The following DHRS4L2 variants were observed in gnomAD, a reference collection of about 807,000 sequenced individuals.
DHRS4L2 encodes the protein dehydrogenase/reductase SDR family member 4-like 2.
Under a neutral mutation model 23.9 loss-of-function variants are expected in DHRS4L2, and 22 were observed. The ratio of observed to expected loss-of-function variants is 0.92; its 90% CI spans 0.66 to 1.31. DHRS4L2 has a LOEUF of 1.31. Among genes scored for constraint, DHRS4L2 ranks in the 40% most tolerant of loss-of-function variants. DHRS4L2 has a pLI of 0.00. For missense variants in DHRS4L2, 385 were observed against 303.3 expected, an observed-to-expected ratio of 1.27 and a Z score of -2.00; for synonymous variants, 141 against 123.7, an observed-to-expected ratio of 1.14 and a Z score of -0.93.
Position 23,995,273 on chromosome 14 carries a change from T to A in DHRS4L2, c.408+140T>A. The A allele has an allele frequency of 3.0e-6, 3 of 992,360 alleles. No individual in the cohort carries two copies. The Admixed American group carries it at 5.6e-5, about 18-fold the overall frequency. The allele number at this position is 992,360 out of a possible 1,614,324, so 61.5% of individuals were successfully genotyped here. ...ACGTGCCACACACCTGGAGCACACC[T>A]TGCAAAGGGCAGGTGGGGGTGGCTC... On this transcript the variant is annotated intron_variant, in intron 3 of 7. Transcript: ENST00000335125.
Position 24,005,795 on chromosome 14 carries a change from T to C in DHRS4L2, c.*23-91T>C. 9 of 1,557,060 alleles carry C rather than the reference T, an allele frequency of 5.8e-6. 1 individual carries two copies. The South Asian group carries it at 9.5e-5, about 16-fold the overall frequency. On this transcript the variant is annotated intron_variant, in intron 7 of 7. Transcript: ENST00000335125. Reference sequence around the variant, plus strand: ...ATCCTGAAAAGTCATCTGATAATTCTTGATTAAGCAAATTTAACTCCCCGT... The same window carrying C: ...ATCCTGAAAAGTCATCTGATAATTCCTGATTAAGCAAATTTAACTCCCCGT...
At position 24,005,876 on chromosome 14, in the gene DHRS4L2, T is replaced by C; in HGVS notation, c.*23-10T>C. On this transcript the variant is annotated splice_polypyrimidine_tract_variant and intron_variant, in intron 7 of 7. Transcript: ENST00000335125. ...TTTTTACCTCCTTCCTTGCTTCCCT[T>C]ATTCCCCAGGTTAGGCGAGCCAGAG... 1.2e-6 allele frequency: 2 copies of C among 1,610,054 alleles called. No individual in the cohort carries two copies. Among genetic ancestry groups the C allele is most frequent in the Non-Finnish European group, 1.7e-6 (2 of 1,178,284 alleles).
At position 23,990,226 on chromosome 14, in the gene DHRS4L2, A is replaced by T. The variant is rs745882324; in HGVS notation, c.173A>T (p.His58Leu). Residue 58 changes from histidine to leucine, a missense_variant, in exon 2 of 8, where the codon CAC (histidine) becomes CTC (leucine). Transcript: ENST00000335125. ...CGGCGTTTGGCCCAGGACAGGGCCC[A>T]CGTGGTCGTCAGCAGCCGGAAGCAG... ...IARRLAQDRAHVVVSSRKQQN... is the reference protein window; with the variant it reads ...IARRLAQDRALVVVSSRKQQN... 8.7e-6 allele frequency: 14 copies of T among 1,612,748 alleles called. No homozygotes were observed. Among genetic ancestry groups the T allele is most frequent in the Admixed American group, 8.3e-5 (5 of 59,978 alleles).
At chr14:23,972,227 TG>T (rs1220442611) in intron 1 of DHRS4L2, among the ~76,000 whole-genome samples, 1 of 151,818 alleles carries the variant, frequency 6.6e-6, no homozygotes, top group African/African-American at 2.4e-5. Flanking sequence ...GTCTGGAGTT[TG>T]TTCCTTCTGA....
chr14:23,993,930 T>C (rs997212601), intron 2 of DHRS4L2, among the ~76,000 whole-genome samples: 7 of 151,676 alleles, frequency 4.6e-5, no homozygotes, highest in Admixed American at 2.6e-4. Context: ...CTTCTTCCAC[T>C]ACTGACTAGC....
At chr14:23,972,185 G>A (rs112776104) in intron 1 of DHRS4L2, among the ~76,000 whole-genome samples, 16,209 of 151,922 alleles carry the variant, frequency 0.11, 1,155 homozygotes, top group East Asian at 0.29. Context: ...GCGGACCCTC[G>A]CGGTGAGTGT....
At chr14:23,972,213 G>T (rs1408913587) in intron 1 of DHRS4L2, among the ~76,000 whole-genome samples, 1 of 152,026 alleles carries the variant, frequency 6.6e-6, no homozygotes, top group East Asian at 1.9e-4. Flanking sequence ...CTTAAAGGCA[G>T]CGTGTCTGGA....
At chr14:24,000,722 T>C in intron 3 of DHRS4L2, 141 bp from the exon 4 acceptor site, 2 of 785,278 alleles carry the variant, frequency 2.5e-6, no homozygotes, top group Non-Finnish European at 4.1e-6. Flanking sequence ...AGTTCCTTCA[T>C]GTGTAAGATG....
rs746642424 is a variant in DHRS4L2 at position 23,990,344 on chromosome 14, G to A, written c.291G>A (p.Glu97=). The A allele has an allele frequency of 7.4e-6, 12 of 1,610,930 alleles. No homozygotes were observed. In the Admixed American group the frequency reaches 2.0e-4, roughly 27 times the overall value. ...ATGTGGGGAAGGCGGAGGACCGGGA[G>A]CGGCTGGTGGCCATGGTGAGCTGCA... is the stretch of plus-strand genomic sequence containing the variant. ...VCHVGKAEDR[E]RLVAMAVKLH... Residue 97 remains glutamate (E), a synonymous_variant, in exon 2 of 8, where the codon GAG becomes GAA. Coordinates refer to ENST00000335125, the MANE Select transcript of DHRS4L2 (RefSeq NM_198083.4).
chr14:23,975,894 A>G (rs571506971), intron 1 of DHRS4L2, among the ~76,000 whole-genome samples: 11 of 151,762 alleles, frequency 7.2e-5, no homozygotes, highest in African/African-American at 2.7e-4. Flanking sequence ...TGGGAAAACT[A>G]GCTAGCCATA....
intron 1 of DHRS4L2, among the ~76,000 whole-genome samples, chr14:23,976,098 T>G (rs1199410360): frequency 2.0e-5 from 3 of 151,416 alleles, no homozygotes; most frequent in Admixed American, 2.0e-4. Context: ...AAAGCCAAAA[T>G]AGACTAATGG....
chr14:23,982,086 G>A (rs781527957), intron 1 of DHRS4L2, among the ~76,000 whole-genome samples: 5 of 151,570 alleles, frequency 3.3e-5, no homozygotes, highest in African/African-American at 4.8e-5. Context: ...TGTCGGGCTG[G>A]GGGACGGTCA....
Position 24,001,500 on chromosome 14 carries a change from A to C in DHRS4L2, c.648A>C (p.Arg216Ser). The change falls in exon 6 of 8, where the codon AGA becomes AGC. Residue 216 changes from arginine to serine, a missense_variant. Coordinates refer to ENST00000335125, the MANE Select transcript of DHRS4L2 (RefSeq NM_198083.4). ...ACTGCCTGCACCTGGACTTATCAAG[A>C]CTAGCTTCAGCAGGATGGTGAGGAA... Reference protein sequence around the residue: ...RVNCLHLDLSRLASAGCSGWT... With the variant: ...RVNCLHLDLSSLASAGCSGWT... 6.2e-7 allele frequency: 1 copy of C among 1,603,000 alleles called. No homozygotes were observed. Among genetic ancestry groups the C allele is most frequent in the South Asian group, 1.1e-5 (1 of 90,040 alleles).
At chr14:23,988,896 A>ACT (rs2034204075), upstream of DHRS4L2, 3 of 1,601,646 alleles carry the variant, frequency 1.9e-6, no homozygotes, top group African/African-American at 1.3e-5. Context: ...CCTTCGCCCT[A>ACT]CTCTGTCACC....
rs1244651080 is a variant in DHRS4L2 at position 23,994,903 on chromosome 14, C to T, written c.307-129C>T. 1.1e-5 allele frequency: 12 copies of T among 1,129,314 alleles called. No individual in the cohort carries two copies. In the Admixed American group the frequency reaches 2.4e-4, roughly 22 times the overall value. 70.0% of individuals were successfully genotyped at this position (1,129,314 alleles called of 1,614,324 possible). A position where few individuals can be genotyped will look rare whatever the true frequency, so the allele number is the denominator to read the frequency against. On this transcript the variant is annotated intron_variant, in intron 2 of 7. Coordinates refer to ENST00000335125, the MANE Select transcript of DHRS4L2 (RefSeq NM_198083.4). ...AGCTCAAGTGAGCCTCCCACCTTGG[C>T]CTCCCAAAGTGCTATGATTACAGGC... is the stretch of plus-strand genomic sequence containing the variant.
intron 3 of DHRS4L2, among the ~76,000 whole-genome samples, chr14:23,998,232 C>T (rs548813626): frequency 2.3e-4 from 35 of 152,124 alleles, no homozygotes; most frequent in African/African-American, 6.0e-4. Context: ...CTTTGTTGTT[C>T]CATTTACAGA....
At chr14:23,977,647 C>T (rs1190774953) in intron 1 of DHRS4L2, among the ~76,000 whole-genome samples, 1 of 151,726 alleles carries the variant, frequency 6.6e-6, no homozygotes, top group African/African-American at 2.4e-5. Context: ...GTGGTTATAA[C>T]TTCTGTTCTC....
intron 1 of DHRS4L2, 50 bp downstream of exon 1, chr14:23,989,125 C>A (rs1476190872): frequency 1.3e-6 from 2 of 1,545,556 alleles, no homozygotes; most frequent in South Asian, 1.2e-5. Context: ...TGGAAACATG[C>A]ACTGGTGTCT....
chr14:23,992,459 C>A (rs12434703), intron 2 of DHRS4L2, among the ~76,000 whole-genome samples: 13,158 of 151,374 alleles, frequency 0.087, 935 homozygotes, highest in East Asian at 0.21. Context: ...CACATGTTAC[C>A]CTGCAATAAG....
Sources: allele counts gnomAD v4.1 joint callset (sites outside exome capture counted in the v4.1 genomes callset), GRCh38; gene constraint gnomAD v4.1.1; transcripts MANE v1.5; gene names NCBI Gene and HGNC (gene_info 2026-07-23, HGNC 2026-07-21).